The following CFAP221 variants were observed in gnomAD, a reference collection of about 807,000 sequenced individuals.
The protein encoded by CFAP221 is cilia- and flagella-associated protein 221.
In CFAP221, 97 loss-of-function variants were observed where a neutral mutation model predicts 113.1. That is an observed-to-expected ratio of 0.86 (90% CI 0.73 to 1.02). The LOEUF (loss-of-function observed/expected upper bound fraction) is 1.02, where lower values mean the gene tolerates loss of function less well. CFAP221 is among the 50% of genes least tolerant of loss of function. CFAP221 has a pLI of 0.00. For missense variants in CFAP221, 1,025 were observed against 1,013.4 expected, an observed-to-expected ratio of 1.01 and a Z score of -0.16; for synonymous variants, 331 against 354.4, an observed-to-expected ratio of 0.93 and a Z score of 0.74.
intron 7 of CFAP221, 56 bp from the exon 8 acceptor site, chr2:119,601,162 T>C: frequency 7.0e-7 from 1 of 1,425,378 alleles, no homozygotes; most frequent in Non-Finnish European, 9.3e-7. Flanking sequence ...TGTCAGCATG[T>C]GACTGGACTT....
intron 6 of CFAP221, among the ~76,000 whole-genome samples, chr2:119,578,101 A>G (rs955501910): frequency 1.3e-5 from 2 of 152,222 alleles, no homozygotes; most frequent in Admixed American, 6.5e-5. Context: ...CTGTCCTGGT[A>G]GGTCTCTCCA....
intron 3 of CFAP221, among the ~76,000 whole-genome samples, chr2:119,555,713 C>G (rs1363765713): frequency 6.6e-6 from 1 of 152,148 alleles, no homozygotes; most frequent in Non-Finnish European, 1.5e-5. Context: ...TAGCCCAGAG[C>G]TGGAGACCAG....
At chr2:119,593,535 G>C (rs1558942423) in intron 7 of CFAP221, among the ~76,000 whole-genome samples, 1 of 152,044 alleles carries the variant, frequency 6.6e-6, no homozygotes, top group Non-Finnish European at 1.5e-5. Flanking sequence ...GAGGTGCCAG[G>C]TTCTTTAAAC....
In CFAP221 at chr2:119,569,413, G is replaced by A. The variant is rs983375206; in HGVS notation, c.527+7299G>A. Among the ~76,000 whole-genome samples, 7 of 148,884 alleles carry A rather than the reference G, an allele frequency of 4.7e-5. No homozygotes were observed. In the South Asian group the frequency reaches 6.4e-4, roughly 14 times the overall value. On this transcript the variant is annotated intron_variant, in intron 6 of 23. Transcript: ENST00000413369. Reference sequence around the variant, plus strand: ...GATTACAGATGTGAGCCACCGCACCGGCCTTCTTTCAATATTTTTTTTTCT... The same window carrying A: ...GATTACAGATGTGAGCCACCGCACCAGCCTTCTTTCAATATTTTTTTTTCT...
intron 6 of CFAP221, among the ~76,000 whole-genome samples, chr2:119,583,218 A>G (rs990917374): frequency 3.9e-5 from 6 of 152,162 alleles, no homozygotes; most frequent in African/African-American, 9.7e-5. Context: ...GGCTATCACA[A>G]ACTTTCTAGA....
At chr2:119,569,832 T>G (rs970944413) in intron 6 of CFAP221, among the ~76,000 whole-genome samples, 1 of 152,236 alleles carries the variant, frequency 6.6e-6, no homozygotes, top group African/African-American at 2.4e-5. Context: ...TTTTGATCAC[T>G]AGAATTTCTT....
rs767871707 is a variant in CFAP221, at chr2:119,627,650, T to C, written c.1517-3T>C. ...CTAAAAGTGCCCTTTTTTTCACCCA[T>C]AGAGGCGAATTTCTTCAAATTCTTC... is the stretch of plus-strand genomic sequence containing the variant. On this transcript the variant is annotated splice_polypyrimidine_tract_variant and splice_region_variant and intron_variant, in intron 15 of 23. Transcript: ENST00000413369. The C allele has an allele frequency of 2.5e-6, 4 of 1,613,162 alleles. No homozygotes were observed. In the Admixed American group the frequency reaches 6.7e-5, roughly 27 times the overall value.
At chr2:119,631,320 AAGG>A (rs781515292) in intron 19 of CFAP221, among the ~76,000 whole-genome samples, 7 of 152,226 alleles carry the variant, frequency 4.6e-5, no homozygotes, top group African/African-American at 7.2e-5. Context: ...AAATTAGAAA[AAGG>A]AGGGCAGATG....
intron 6 of CFAP221, among the ~76,000 whole-genome samples, chr2:119,567,919 CT>C (rs1385702863): frequency 6.6e-6 from 1 of 151,986 alleles, no homozygotes; most frequent in African/African-American, 2.4e-5. Context: ...CATTTTCTCT[CT>C]TTTCTTTTAG....
chr2:119,642,080 C>T (rs889932367), intron 21 of CFAP221, among the ~76,000 whole-genome samples: 2 of 152,212 alleles, frequency 1.3e-5, no homozygotes, highest in Non-Finnish European at 2.9e-5. Context: ...TAAACATGAA[C>T]TCTCCATGAA....
At chr2:119,634,198 G>A (rs575271229) in intron 19 of CFAP221, among the ~76,000 whole-genome samples, 18 of 152,314 alleles carry the variant, frequency 1.2e-4, no homozygotes, top group African/African-American at 3.8e-4. Flanking sequence ...ATCAGGGCTA[G>A]GCATGGTAGT....
At chr2:119,601,179 A>G in intron 7 of CFAP221, 39 bp from the exon 8 acceptor site, 1 of 1,478,986 alleles carries the variant, frequency 6.8e-7, no homozygotes, top group Non-Finnish European at 9.0e-7. Flanking sequence ...ACTTGGCAAG[A>G]AGAGAGGGTA....
intron 11 of CFAP221, among the ~76,000 whole-genome samples, chr2:119,607,431 C>T (rs1684849259): frequency 1.1e-5 from 1 of 90,598 alleles, no homozygotes; most frequent in African/African-American, 2.8e-5. Context: ...CTTCCACCTC[C>T]ACTTTAAAAA....
intron 16 of CFAP221, among the ~76,000 whole-genome samples, chr2:119,628,054 G>T (rs1574176552): frequency 1.3e-5 from 2 of 152,176 alleles, no homozygotes; most frequent in Non-Finnish European, 2.9e-5. Context: ...CCGCCCAACT[G>T]CCCTGGAACT....
chr2:119,624,947 T>G (rs970121245), intron 14 of CFAP221, among the ~76,000 whole-genome samples: 2 of 151,778 alleles, frequency 1.3e-5, no homozygotes, highest in Non-Finnish European at 2.9e-5. Context: ...TGTAGCAAAC[T>G]ACCATGGCAC....
intron 15 of CFAP221, 133 bp from the exon 16 acceptor site, chr2:119,627,518 GAT>G (rs57740311): frequency 0.011 from 5,169 of 477,030 alleles, 33 homozygotes; most frequent in African/African-American, 0.02. Context: ...AGTAAAAGTG[GAT>G]ATATATATAT....
chr2:119,546,831 T>A (rs28455196), intron 2 of CFAP221, among the ~76,000 whole-genome samples: 1 of 152,152 alleles, frequency 6.6e-6, no homozygotes, highest in African/African-American at 2.4e-5. Flanking sequence ...CATGTACATA[T>A]CCTGTGTCTG....
chr2:119,630,862 C>A lies in CFAP221; in HGVS notation c.1935C>A (p.Ala645=). ...TSVLSMKPPE[A]LAMSLDYDPL... is the part of the protein sequence containing the mutation. ...TCTTGAGCATGAAACCACCTGAGGC[C>A]TTAGCCATGTCTCTAGATTATGATC... The change falls in exon 19 of 24, where the codon GCC becomes GCA. Residue 645 remains alanine (A), a synonymous_variant. Coordinates refer to ENST00000413369, the MANE Select transcript of CFAP221 (RefSeq NM_001271049.2). The A allele has an allele frequency of 6.2e-7, 1 of 1,613,610 alleles. No individual in the cohort carries two copies. Among genetic ancestry groups the A allele is most frequent in the African/African-American group, 1.3e-5 (1 of 75,044 alleles).
At chr2:119,624,796 C>T (rs1686179018) in intron 14 of CFAP221, among the ~76,000 whole-genome samples, 2 of 152,088 alleles carry the variant, frequency 1.3e-5, no homozygotes, top group African/African-American at 4.8e-5. Flanking sequence ...CGCATGTTCT[C>T]CCTCATAAGT....
Sources: allele counts gnomAD v4.1 joint callset (sites outside exome capture counted in the v4.1 genomes callset), GRCh38; gene constraint gnomAD v4.1.1; transcripts MANE v1.5; gene names NCBI Gene and HGNC (gene_info 2026-07-23, HGNC 2026-07-21).